The following GRIN2B variants were observed in gnomAD, a reference collection of about 807,000 sequenced individuals.
GRIN2B encodes glutamate receptor ionotropic, NMDA 2B.
A neutral mutation model predicts 114.5 loss-of-function variants in GRIN2B; 5 were observed. That is an observed-to-expected ratio of 0.04 (90% CI 0.02 to 0.09). The LOEUF is 0.09. Ranked by LOEUF, GRIN2B falls within the 10% of genes least tolerant of loss-of-function variation. The pLI, the probability that GRIN2B is intolerant of heterozygous loss-of-function variation, is 1.00. For missense variants in GRIN2B, 1,108 were observed against 1,943.5 expected, an observed-to-expected ratio of 0.57 and a Z score of 8.08; for synonymous variants, 787 against 745.1, an observed-to-expected ratio of 1.06 and a Z score of -0.92.
chr12:13,753,141 T>G lies in GRIN2B; in HGVS notation c.1010+176A>C, dbSNP rs1318738557. Among the ~76,000 whole-genome samples, 4 of 152,238 alleles carry G rather than the reference T, an allele frequency of 2.6e-5. No homozygotes were observed. The highest frequency in any genetic ancestry group is 1.9e-4 in the East Asian group (1 of 5,208). ...AGTGCTCAATAAATGAAAGTTGTTT[T>G]GGCAAGGTTGGATCCAAAACACTCC... On this transcript the variant is annotated intron_variant, in intron 4 of 13. Transcript: ENST00000609686. The surrounding 1 kb of genome is among the most constrained non-coding windows in gnomAD (Gnocchi z 6.2).
intron 3 of GRIN2B, among the ~76,000 whole-genome samples, chr12:13,852,692 G>GAA (rs56860420): frequency 0.098 from 9,398 of 95,726 alleles, 675 homozygotes; most frequent in African/African-American, 0.21. Flanking sequence ...GAGAGATGAG[G>GAA]AAAAAAAAAA....
At chr12:13,873,662 G>A (rs551969746) in intron 2 of GRIN2B, among the ~76,000 whole-genome samples, 2 of 152,182 alleles carry the variant, frequency 1.3e-5, no homozygotes, top group East Asian at 1.9e-4. Flanking sequence ...TGAGAGTCTG[G>A]GGCATGGAGG....
In GRIN2B at chr12:13,713,692, C is replaced by A. The variant is rs116390365; in HGVS notation, c.1011-37833G>T. Among the ~76,000 whole-genome samples, 455 of 151,808 alleles carry A rather than the reference C, an allele frequency of 3.0e-3. 2 individuals carry two copies. The highest frequency in any genetic ancestry group is 0.011 in the African/African-American group (443 of 41,458). On this transcript the variant is annotated intron_variant, in intron 4 of 13. Coordinates refer to ENST00000609686, the MANE Select transcript of GRIN2B (RefSeq NM_000834.5). ...TTATTTTTGCCTGTTTTTTTTCTTG[C>A]TATCAGGGTCACTAATGCTTAAGAA...
chr12:13,742,192 A>T (rs1863299358), intron 4 of GRIN2B, among the ~76,000 whole-genome samples: 1 of 152,306 alleles, frequency 6.6e-6, no homozygotes, highest in South Asian at 2.1e-4. Context: ...GGCGTAGATG[A>T]CATTTCTCCC....
chr12:13,636,708 G>C (rs550437252), intron 5 of GRIN2B, among the ~76,000 whole-genome samples: 84 of 152,324 alleles, frequency 5.5e-4, no homozygotes, highest in African/African-American at 1.9e-3. Context: ...ATCCTGGGCA[G>C]AACAGTGATT....
At chr12:13,723,093 C>T (rs1475678999) in intron 4 of GRIN2B, among the ~76,000 whole-genome samples, 3 of 151,860 alleles carry the variant, frequency 2.0e-5, no homozygotes, top group Admixed American at 6.6e-5. Flanking sequence ...CCCGGAGATA[C>T]AGCAGACTGA....
intron 3 of GRIN2B, among the ~76,000 whole-genome samples, chr12:13,766,122 C>T (rs1277203788): frequency 6.6e-6 from 1 of 152,166 alleles, no homozygotes; most frequent in African/African-American, 2.4e-5. Context: ...ACAACTGATT[C>T]TTTGTAACAT....
chr12:13,608,959 TA>T, intron 9 of GRIN2B, 127 bp from the exon 10 acceptor site: 1 of 718,212 alleles, frequency 1.4e-6, no homozygotes, highest in Admixed American at 2.1e-5. Flanking sequence ...AGCCCTTTTA[TA>T]GACGGCTTTT....
At chr12:13,971,141 C>A (rs182084855) in intron 2 of GRIN2B, among the ~76,000 whole-genome samples, 1 of 152,164 alleles carries the variant, frequency 6.6e-6, no homozygotes, top group Non-Finnish European at 1.5e-5. Context: ...GAGGAGTATG[C>A]GTCTTAGTTT....
At chr12:13,760,552 AT>A (rs1370459447) in intron 3 of GRIN2B, among the ~76,000 whole-genome samples, 2 of 152,326 alleles carry the variant, frequency 1.3e-5, no homozygotes, top group East Asian at 3.9e-4. Context: ...TTCCTATTAT[AT>A]TAATAAAGAA....
chr12:13,648,112 C>T (rs567283219), intron 5 of GRIN2B, among the ~76,000 whole-genome samples: 2 of 152,166 alleles, frequency 1.3e-5, no homozygotes, highest in East Asian at 3.9e-4. Flanking sequence ...CAGTAATAAA[C>T]TAGGTGTATC....
chr12:13,901,305 C>T (rs1037227452), intron 2 of GRIN2B, among the ~76,000 whole-genome samples: 9 of 152,096 alleles, frequency 5.9e-5, no homozygotes, highest in Non-Finnish European at 1.2e-4. Context: ...TATTTGTCCA[C>T]TTTACCACTG....
In GRIN2B at chr12:13,563,689, C is replaced by T. The variant is rs201568782; in HGVS notation, c.3549G>A (p.Thr1183=). ...CGCTGACCACGCCGTGTTTGTCGCC[C>T]GTCCCGTGCTTGATGTGAGACCTGT... ...CTNRSHIKHG[T]GDKHGVVSGV... The change falls in exon 14 of 14, where the codon ACG becomes ACA. Residue 1183 remains threonine (T), a synonymous_variant. Coordinates refer to ENST00000609686, the MANE Select transcript of GRIN2B (RefSeq NM_000834.5). 3.7e-5 allele frequency: 59 copies of T among 1,613,504 alleles called. No homozygotes were observed. In the African/African-American group the frequency reaches 6.5e-4, roughly 18 times the overall value.
At chr12:13,801,255 T>C (rs1591739520) in intron 3 of GRIN2B, among the ~76,000 whole-genome samples, 1 of 152,192 alleles carries the variant, frequency 6.6e-6, no homozygotes, top group Non-Finnish European at 1.5e-5. Context: ...CAAACATACA[T>C]TGGCTGTGTA....
chr12:13,627,563 G>C (rs1276008557), intron 5 of GRIN2B, among the ~76,000 whole-genome samples: 1 of 152,184 alleles, frequency 6.6e-6, no homozygotes, highest in East Asian at 1.9e-4. Flanking sequence ...GAAGTAAGTT[G>C]GGTTGCAAGT....
intron 3 of GRIN2B, among the ~76,000 whole-genome samples, chr12:13,864,516 C>A (rs1287066308): frequency 2.0e-5 from 3 of 152,160 alleles, no homozygotes; most frequent in Admixed American, 6.5e-5. Flanking sequence ...ATAAACGTAG[C>A]ACTTGTGGTG....
At chr12:13,774,247 G>A (rs1427854690) in intron 3 of GRIN2B, among the ~76,000 whole-genome samples, 6 of 152,150 alleles carry the variant, frequency 3.9e-5, no homozygotes, top group East Asian at 1.9e-4. Context: ...AATTGCTTAC[G>A]CAAAAGATAA....
chr12:13,963,228 G>GT (rs1456202816), intron 2 of GRIN2B, among the ~76,000 whole-genome samples: 2 of 151,912 alleles, frequency 1.3e-5, no homozygotes, highest in Non-Finnish European at 2.9e-5. Context: ...TCTCTGGATC[G>GT]CCCCCTTGGA....
chr12:13,636,505 T>G (rs912377797), intron 5 of GRIN2B, among the ~76,000 whole-genome samples: 1 of 152,148 alleles, frequency 6.6e-6, no homozygotes, highest in East Asian at 1.9e-4. Flanking sequence ...GAACAGGTGA[T>G]GGGGACGTGA....
Sources: allele counts gnomAD v4.1 joint callset (sites outside exome capture counted in the v4.1 genomes callset), GRCh38; gene constraint gnomAD v4.1.1; non-coding constraint Gnocchi (gnomAD v3.1); transcripts MANE v1.5; gene names NCBI Gene and HGNC (gene_info 2026-07-23, HGNC 2026-07-21).